Variants in LNP1 observed in about 807,000 individuals in gnomAD.
LNP1 encodes leukemia NUP98 fusion partner 1.
Under a neutral mutation model 14.5 loss-of-function variants are expected in LNP1, and 12 were observed. That is an observed-to-expected ratio of 0.83 (90% confidence interval 0.53 to 1.34). The LOEUF (loss-of-function observed/expected upper bound fraction) is 1.34. LNP1 is among the 40% of genes most tolerant of loss of function. LNP1 has a pLI of 0.00. For missense variants in LNP1, 198 were observed against 210.9 expected, an observed-to-expected ratio of 0.94 and a Z score of 0.38; for synonymous variants, 75 against 71.4, an observed-to-expected ratio of 1.05 and a Z score of -0.26.
intron 2 of LNP1, among the ~76,000 whole-genome samples, chr3:100,448,669 A>C (rs1476276507): frequency 6.6e-6 from 1 of 152,222 alleles, no homozygotes; most frequent in Non-Finnish European, 1.5e-5. Flanking sequence ...AGTTACATAA[A>C]GTTGAAAACG....
intron 2 of LNP1, among the ~76,000 whole-genome samples, chr3:100,441,121 T>G (rs1037144150): frequency 3.3e-5 from 5 of 152,070 alleles, no homozygotes; most frequent in Non-Finnish European, 7.4e-5. Flanking sequence ...TATGAGCTGA[T>G]AGAAGGAAGA....
chr3:100,451,575 C>A, intron 2 of LNP1, 144 bp from the exon 3 acceptor site: 1 of 594,986 alleles, frequency 1.7e-6, no homozygotes, highest in Non-Finnish European at 3.0e-6. Context: ...GATTTGGGGG[C>A]CTCAAGTTTT....
intron 3 of LNP1, among the ~76,000 whole-genome samples, chr3:100,454,537 C>A (rs1707490681): frequency 6.6e-6 from 1 of 152,036 alleles, no homozygotes; most frequent in Non-Finnish European, 1.5e-5. Flanking sequence ...AAAAAAGAAC[C>A]AGAAACTGTT....
intron 1 of LNP1, among the ~76,000 whole-genome samples, chr3:100,423,618 C>T (rs766134505): frequency 2.8e-4 from 43 of 152,256 alleles, no homozygotes; most frequent in Admixed American, 8.5e-4. Flanking sequence ...CCATGATATC[C>T]GTTCACTTTA....
intron 1 of LNP1, among the ~76,000 whole-genome samples, chr3:100,409,557 TAC>T (rs35651277): frequency 0.14 from 17,904 of 125,780 alleles, 1,406 homozygotes; most frequent in Non-Finnish European, 0.2. Flanking sequence ...TATATATACA[TAC>T]ACACACACAC....
intron 1 of LNP1, among the ~76,000 whole-genome samples, chr3:100,409,292 A>G (rs890546600): frequency 2.6e-5 from 4 of 152,108 alleles, no homozygotes; most frequent in African/African-American, 9.7e-5. Flanking sequence ...AAAAGATACT[A>G]TCAGCTCTCC....
At chr3:100,426,062 C>T (rs938790005) in intron 1 of LNP1, among the ~76,000 whole-genome samples, 4 of 152,164 alleles carry the variant, frequency 2.6e-5, no homozygotes, top group African/African-American at 7.2e-5. Context: ...ATGGAGGGGT[C>T]CCACTCTCTG....
rs542289111 is a variant in LNP1 at position 100,443,449 on chromosome 3, A to T, written c.157-8270A>T. 5.4e-4 allele frequency among the ~76,000 whole-genome samples: 83 copies of T among 152,344 alleles called. 2 individuals carry two copies. In the South Asian group the frequency reaches 0.016, roughly 30 times the overall value. The stretch of plus-strand genomic sequence containing the variant: ...CAACAAGAATAATTATTTTTTACAT[A>T]GGCTTTTAAATTGGCTTTGATGGAA... On this transcript the variant is annotated intron_variant, in intron 2 of 3. Transcript: ENST00000383693.
In LNP1 at chr3:100,437,119, A is replaced by G. The variant is rs748829383; in HGVS notation, c.156+7234A>G. Among the ~76,000 whole-genome samples the G allele has an allele frequency of 1.9e-4, 29 of 152,222 alleles. 1 individual carries two copies. The highest frequency in any genetic ancestry group is 2.9e-4 in the Non-Finnish European group (20 of 68,042). On this transcript the variant is annotated intron_variant, in intron 2 of 3. Coordinates refer to ENST00000383693, the MANE Select transcript of LNP1 (RefSeq NM_001085451.2). ...TATAGCAGCCCAAGCTGACTAATAC[A>G]TTTTCATAACAAGCATCATCACCAG...
At chr3:100,451,671 A>T (rs1383039005) in intron 2 of LNP1, 48 bp from the exon 3 acceptor site, 1 of 620,674 alleles carries the variant, frequency 1.6e-6, no homozygotes. Context: ...CTGTGCTAAC[A>T]TTGCACAGTC....
In LNP1 at chr3:100,429,825, A is replaced by G; in HGVS notation, c.96A>G (p.Gly32=). 1.2e-6 allele frequency: 2 copies of G among 1,613,612 alleles called. No individual in the cohort carries two copies. Among genetic ancestry groups the G allele is most frequent in the South Asian group, 2.2e-5 (2 of 91,042 alleles). Residue 32 remains glycine, a synonymous_variant, in exon 2 of 4, where the codon GGA becomes GGG. Coordinates refer to ENST00000383693, the MANE Select transcript of LNP1 (RefSeq NM_001085451.2). ...GCTGGAGAGAGGAGGATCAGAGAGG[A>G]CTCCGGGAACGCCACCGACTGCAAG... ...GHSWREEDQR[G]LRERHRLQAT...
Position 100,451,939 on chromosome 3 carries a change from C to T in LNP1, c.377C>T (p.Ser126Phe). The T allele has an allele frequency of 6.2e-7, 1 of 1,611,022 alleles. No individual in the cohort carries two copies. The highest frequency in any genetic ancestry group is 8.5e-7 in the Non-Finnish European group (1 of 1,178,358). ...ERQLCFRTKR[S>F]ASLGPESRKE... ...CAACTGTGCTTTAGAACCAAGCGTT[C>T]TGCCTCTTTGGTATGTAACAGAGCT... The change falls in exon 3 of 4, where the codon TCT (serine) becomes TTT (phenylalanine). Residue 126 changes from serine (S) to phenylalanine (F), a missense_variant. By Grantham distance (155) the Ser-to-Phe change is radical (BLOSUM62 -2). Transcript: ENST00000383693.
At chr3:100,433,482 G>A (rs1707262289) in intron 2 of LNP1, among the ~76,000 whole-genome samples, 1 of 152,124 alleles carries the variant, frequency 6.6e-6, no homozygotes. Flanking sequence ...TGGGCATTTG[G>A]GTTGGTCCTA....
intron 1 of LNP1, among the ~76,000 whole-genome samples, chr3:100,414,347 G>T (rs1418298604): frequency 6.6e-6 from 1 of 152,122 alleles, no homozygotes; most frequent in Non-Finnish European, 1.5e-5. Context: ...AGGAGGTTGA[G>T]ACCAGCCTGG....
At chr3:100,402,475 G>A (rs962505349) in intron 1 of LNP1, 36 bp downstream of exon 1, 4 of 152,170 alleles carry the variant, frequency 2.6e-5, no homozygotes, top group African/African-American at 9.7e-5. Flanking sequence ...TCAGGCAATA[G>A]GGTTTCTTAG....
intron 2 of LNP1, among the ~76,000 whole-genome samples, chr3:100,432,490 T>C (rs929189431): frequency 3.3e-5 from 5 of 152,166 alleles, no homozygotes; most frequent in Non-Finnish European, 7.4e-5. Flanking sequence ...TAGTAGAAAA[T>C]ACAAATTTGG....
chr3:100,422,943 T>TA (rs575553411), intron 1 of LNP1, among the ~76,000 whole-genome samples: 58 of 151,704 alleles, frequency 3.8e-4, no homozygotes, highest in African/African-American at 1.3e-3. Flanking sequence ...GACACTTGGT[T>TA]AAAAAAGGTG....
At chr3:100,453,354 C>G (rs7434244) in intron 3 of LNP1, among the ~76,000 whole-genome samples, 69,883 of 151,100 alleles carry the variant, frequency 0.46, 16,457 homozygotes, top group East Asian at 0.73. Flanking sequence ...GTTGAGGCCA[C>G]GGGATCGCTT....
At chr3:100,441,727 A>G (rs1019989488) in intron 2 of LNP1, among the ~76,000 whole-genome samples, 21 of 151,846 alleles carry the variant, frequency 1.4e-4, no homozygotes, top group Non-Finnish European at 2.1e-4. Flanking sequence ...CAGTGGTGCA[A>G]TCTCAGCTCA....
Sources: gnomAD v4.1 joint callset for allele counts (sites outside exome capture counted in the v4.1 genomes callset) on GRCh38, gnomAD v4.1.1 for gene constraint, MANE v1.5 for transcripts, NCBI Gene and HGNC (gene_info 2026-07-23, HGNC 2026-07-21) for gene names.